Variants in DNAH11 observed in about 807,000 individuals in gnomAD.
DNAH11 encodes the protein dynein axonemal heavy chain 11.
In DNAH11, 442 loss-of-function variants were observed where a neutral mutation model predicts 526.0. The ratio of observed to expected loss-of-function variants is 0.84; its 90% CI spans 0.78 to 0.91. The LOEUF is 0.91. DNAH11 is among the 40% of genes least tolerant of loss of function. The pLI is 0.00. For synonymous variants in DNAH11, 2,461 were observed against 1,935.9 expected (o/e 1.27, Z -7.12); for missense variants, 6,989 against 5,448.7 (o/e 1.28, Z -8.90).
At chr7:21,827,722 A>T (rs1390550964) in intron 65 of DNAH11, among the ~76,000 whole-genome samples, 1 of 152,066 alleles carries the variant, frequency 6.6e-6, no homozygotes, top group African/African-American at 2.4e-5. Flanking sequence ...AGATTTCCTG[A>T]AAGTTATGCT....
intron 1 of DNAH11, chr7:21,543,831 C>T: frequency 1.8e-6 from 1 of 559,822 alleles, no homozygotes; most frequent in Non-Finnish European, 3.1e-6. Context: ...GAGAATCCCG[C>T]GTTGAGCCTG....
intron 28 of DNAH11, among the ~76,000 whole-genome samples, chr7:21,646,090 AC>A (rs1168363387): frequency 2.0e-5 from 3 of 152,212 alleles, no homozygotes; most frequent in Non-Finnish European, 2.9e-5. Flanking sequence ...CAACAAAAAA[AC>A]AAAGGCAGAT....
intron 34 of DNAH11, 62 bp from the exon 35 acceptor site, chr7:21,690,703 T>TGTCAATGTGCATTC: frequency 7.9e-7 from 1 of 1,266,846 alleles, no homozygotes; most frequent in Non-Finnish European, 1.1e-6. Flanking sequence ...GGTTTGCATT[T>TGTCAATGTGCATTC]GTCAATGTGC....
chr7:21,722,959 A>C (rs975516984), intron 44 of DNAH11, among the ~76,000 whole-genome samples: 1 of 152,092 alleles, frequency 6.6e-6, no homozygotes, highest in Non-Finnish European at 1.5e-5. Context: ...CCAGTTTCCA[A>C]ATGTATCAGC....
intron 25 of DNAH11, among the ~76,000 whole-genome samples, chr7:21,633,475 A>G (rs931864341): frequency 1.3e-5 from 2 of 152,192 alleles, no homozygotes; most frequent in Admixed American, 6.5e-5. Flanking sequence ...TTTGATTTAT[A>G]TATTTAGGTT....
intron 20 of DNAH11, among the ~76,000 whole-genome samples, chr7:21,614,552 A>C (rs561059396): frequency 1.1e-4 from 17 of 152,228 alleles, no homozygotes; most frequent in Non-Finnish European, 2.1e-4. Flanking sequence ...AATGTAAACT[A>C]TTCTATGTAG....
Position 21,543,109 on chromosome 7 carries a change from G to C in DNAH11, c.-137G>C. On this transcript the variant is annotated 5_prime_UTR_variant, in exon 1 of 82. Coordinates refer to ENST00000409508, the MANE Select transcript of DNAH11 (RefSeq NM_001277115.2). ...TGGCGCGGCTGCTAAGTAGCAGCAG[G>C]TGGGAGACTAGGGTCTGCGCTCGCG... The C allele has an allele frequency of 2.1e-6, 3 of 1,421,184 alleles. No homozygotes were observed. Among genetic ancestry groups the C allele is most frequent in the Non-Finnish European group, 2.7e-6 (3 of 1,094,722 alleles). 88.0% of individuals were successfully genotyped at this position (1,421,184 alleles called of 1,614,324 possible).
intron 76 of DNAH11, 131 bp downstream of exon 76, chr7:21,884,541 C>A: frequency 9.6e-7 from 1 of 1,037,502 alleles, no homozygotes; most frequent in East Asian, 2.8e-5. Flanking sequence ...TGGGAAATTT[C>A]TTAGAAAAGC....
intron 60 of DNAH11, 59 bp downstream of exon 60, chr7:21,787,642 A>C (rs1289111747): frequency 2.1e-6 from 3 of 1,420,770 alleles, no homozygotes; most frequent in South Asian, 1.6e-5. Context: ...CAAACACATC[A>C]ATTTCTAGGT....
rs535534466 is a variant in DNAH11 at position 21,694,431 on chromosome 7, T to C, written c.6041+3550T>C. On this transcript the variant is annotated intron_variant, in intron 35 of 81. Coordinates refer to ENST00000409508, the MANE Select transcript of DNAH11 (RefSeq NM_001277115.2). Reference sequence around the variant, plus strand: ...GTTCTCATTGCTCAACTGCCACTTATGAGTGAGAACATGTGGTGTTTAGTT... The same window carrying C: ...GTTCTCATTGCTCAACTGCCACTTACGAGTGAGAACATGTGGTGTTTAGTT... Among the ~76,000 whole-genome samples the C allele has an allele frequency of 1.2e-4, 18 of 152,306 alleles. No individual in the cohort carries two copies. The East Asian group carries it at 2.9e-3, about 25-fold the overall frequency.
At chr7:21,793,651 G>C (rs1462455339) in intron 61 of DNAH11, among the ~76,000 whole-genome samples, 1 of 151,688 alleles carries the variant, frequency 6.6e-6, no homozygotes, top group Non-Finnish European at 1.5e-5. Context: ...TTCTGCAGCT[G>C]TTAGATGAAA....
intron 18 of DNAH11, 43 bp downstream of exon 18, chr7:21,601,661 C>A: frequency 7.1e-7 from 1 of 1,406,180 alleles, no homozygotes; most frequent in South Asian, 1.5e-5. Context: ...ATAAATTGAG[C>A]ATCTCTTTTA....
chr7:21,774,202 G>A (rs995559050), intron 56 of DNAH11, among the ~76,000 whole-genome samples: 11 of 152,118 alleles, frequency 7.2e-5, no homozygotes, highest in African/African-American at 1.7e-4. Context: ...AGGGTGAAAC[G>A]TTCTCTTCCT....
At chr7:21,664,429 C>G (rs1162162913) in intron 30 of DNAH11, among the ~76,000 whole-genome samples, 1 of 151,418 alleles carries the variant, frequency 6.6e-6, no homozygotes, top group Non-Finnish European at 1.5e-5. Context: ...GCAATTCTTT[C>G]AGGTTTCTAT....
intron 59 of DNAH11, 68 bp downstream of exon 59, chr7:21,786,835 G>A: frequency 1.3e-6 from 2 of 1,568,070 alleles, no homozygotes; most frequent in Non-Finnish European, 1.7e-6. Flanking sequence ...CTGTGGTTAT[G>A]CTTAATAGCA....
At chr7:21,753,975 A>G (rs1372332787) in intron 54 of DNAH11, among the ~76,000 whole-genome samples, 2 of 152,190 alleles carry the variant, frequency 1.3e-5, no homozygotes, top group African/African-American at 4.8e-5. Context: ...TTATTTGTAT[A>G]TAGGAGAGCT....
At position 21,894,779 on chromosome 7, in the gene DNAH11, C is replaced by G. The variant is rs1784448493; in HGVS notation, c.12907C>G (p.Leu4303Val). Residue 4303 changes from leucine (L) to valine (V), a missense_variant, in exon 78 of 82, where the codon CTT (leucine) becomes GTT (valine). By Grantham distance (32) the Leu-to-Val change is conservative. Transcript: ENST00000409508. ...TCTCATTCGGGAAATACGTATATCA[C>G]TTGAACAACTGGACCTTAGTTTGAA... ...NILIREIRIS[L>V]EQLDLSLKGE... The G allele has an allele frequency of 1.9e-6, 3 of 1,610,738 alleles. No homozygotes were observed. Among genetic ancestry groups the G allele is most frequent in the Non-Finnish European group, 2.5e-6 (3 of 1,178,104 alleles).
chr7:21,815,438 A>C (rs1271854727), intron 63 of DNAH11, among the ~76,000 whole-genome samples: 1 of 152,190 alleles, frequency 6.6e-6, no homozygotes, highest in Non-Finnish European at 1.5e-5. Flanking sequence ...ATATTGTGCT[A>C]CTTTTCCTAT....
intron 65 of DNAH11, among the ~76,000 whole-genome samples, 166 bp from the exon 66 acceptor site, chr7:21,842,378 T>C (rs560045766): frequency 3.9e-5 from 6 of 152,312 alleles, no homozygotes; most frequent in African/African-American, 1.2e-4. Flanking sequence ...TGCTGGGTGA[T>C]TGCTGATCCT....
Sources: gnomAD v4.1 joint callset for allele counts (sites outside exome capture counted in the v4.1 genomes callset) on GRCh38, gnomAD v4.1.1 for gene constraint, MANE v1.5 for transcripts, NCBI Gene and HGNC (gene_info 2026-07-23, HGNC 2026-07-21) for gene names.